The following FAT3 variants were observed in gnomAD, a reference collection of about 807,000 sequenced individuals.
FAT3 encodes protocadherin Fat 3.
FAT3 carries 95 observed loss-of-function variants against 310.2 expected under a neutral mutation model. That is an observed-to-expected ratio of 0.31 (90% CI 0.26 to 0.36). The LOEUF is 0.36. Among genes scored for constraint, FAT3 ranks in the 10% least tolerant of loss-of-function variants. FAT3 has a pLI of 1.00. For synonymous variants in FAT3, 2,314 were observed against 2,192.9 expected, an observed-to-expected ratio of 1.06 and a Z score of -1.54; for missense variants, 5,408 against 5,715.6, an observed-to-expected ratio of 0.95 and a Z score of 1.74.
At chr11:92,577,283 A>G (rs999996554) in intron 3 of FAT3, among the ~76,000 whole-genome samples, 3 of 151,520 alleles carry the variant, frequency 2.0e-5, no homozygotes, top group Non-Finnish European at 2.9e-5. Flanking sequence ...TAATTTTTGC[A>G]TTTTTAGTAG....
At chr11:92,568,024 T>A (rs950917904) in intron 3 of FAT3, among the ~76,000 whole-genome samples, 2 of 152,040 alleles carry the variant, frequency 1.3e-5, no homozygotes, top group African/African-American at 4.8e-5. Context: ...ACATGTACCC[T>A]AAAACTTAAA....
chr11:92,876,511 T>C (rs541712866), intron 22 of FAT3, among the ~76,000 whole-genome samples: 27 of 152,330 alleles, frequency 1.8e-4, no homozygotes, highest in African/African-American at 6.3e-4. Flanking sequence ...CAATGGCCTT[T>C]CCTTAGGAGC....
At chr11:92,705,441 G>GGTA in intron 4 of FAT3, among the ~76,000 whole-genome samples, 2 of 83,460 alleles carry the variant, frequency 2.4e-5, no homozygotes, top group Non-Finnish European at 6.3e-5. Context: ...TGGTGATGGT[G>GGTA]GTGGTGTGAT....
At chr11:92,720,814 CT>C (rs1944839235) in intron 4 of FAT3, among the ~76,000 whole-genome samples, 1 of 152,094 alleles carries the variant, frequency 6.6e-6, no homozygotes, top group Non-Finnish European at 1.5e-5. Context: ...TATACCTGTG[CT>C]TCAAATTCAA....
chr11:92,532,115 ATATAAC>A (rs1420865399), intron 3 of FAT3, among the ~76,000 whole-genome samples: 26 of 152,172 alleles, frequency 1.7e-4, no homozygotes, highest in African/African-American at 2.9e-4. Flanking sequence ...ATGTGATGGC[ATATAAC>A]TATAACTATT....
At chr11:92,757,251 A>G (rs1946027325) in intron 4 of FAT3, among the ~76,000 whole-genome samples, 1 of 152,120 alleles carries the variant, frequency 6.6e-6, no homozygotes, top group Non-Finnish European at 1.5e-5. Context: ...ATTAGGTGAT[A>G]GCTGTTATCA....
chr11:92,273,129 T>C (rs1946173332), intron 1 of FAT3, among the ~76,000 whole-genome samples: 1 of 152,130 alleles, frequency 6.6e-6, no homozygotes, highest in African/African-American at 2.4e-5. Flanking sequence ...CTAACAATAG[T>C]ATCTGTGAAA....
intron 1 of FAT3, among the ~76,000 whole-genome samples, chr11:92,307,020 C>G (rs1947159992): frequency 6.6e-6 from 1 of 151,186 alleles, no homozygotes; most frequent in Non-Finnish European, 1.5e-5. Context: ...TGATCTCCAA[C>G]TCTTGGGGTC....
At chr11:92,374,295 T>A (rs1303531667) in intron 2 of FAT3, among the ~76,000 whole-genome samples, 1 of 152,242 alleles carries the variant, frequency 6.6e-6, no homozygotes, top group Non-Finnish European at 1.5e-5. Context: ...GTGGGGATGT[T>A]GCACTTAAAA....
chr11:92,883,492 C>A lies in FAT3; in HGVS notation c.12937+99C>A. On this transcript the variant is annotated intron_variant, in intron 24 of 27. Coordinates refer to ENST00000525166, the MANE Select transcript of FAT3 (RefSeq NM_001367949.2). The surrounding 1 kb of genome is among the most constrained non-coding windows in gnomAD (Gnocchi z 4.2). ...CGGGAAGGGAGAGAGACCCCGCATGCAGAGCATTCGCTATGACATGTGCTG... is the reference window on the plus strand; with the variant it reads ...CGGGAAGGGAGAGAGACCCCGCATGAAGAGCATTCGCTATGACATGTGCTG... 1 of 1,416,758 alleles carries A rather than the reference C, an allele frequency of 7.1e-7. No homozygotes were observed. The highest frequency in any genetic ancestry group is 9.5e-7 in the Non-Finnish European group (1 of 1,056,974). 87.8% of individuals were successfully genotyped at this position (1,416,758 alleles called of 1,614,324 possible).
intron 3 of FAT3, among the ~76,000 whole-genome samples, chr11:92,552,735 A>C (rs185416311): frequency 3.5e-4 from 53 of 152,188 alleles, no homozygotes; most frequent in Non-Finnish European, 4.3e-4. Flanking sequence ...GCACTATCTA[A>C]CATGGTCCCT....
At chr11:92,410,907 A>G (rs2134917605) in intron 2 of FAT3, among the ~76,000 whole-genome samples, 1 of 151,822 alleles carries the variant, frequency 6.6e-6, no homozygotes, top group Middle Eastern at 3.4e-3. Context: ...TATGGGGTGG[A>G]AATTTTTATA....
intron 1 of FAT3, among the ~76,000 whole-genome samples, chr11:92,277,389 A>G (rs12286744): frequency 0.014 from 2,154 of 152,284 alleles, 19 homozygotes; most frequent in Non-Finnish European, 0.022. Context: ...AAACTGATCT[A>G]TCAAAAAGAA....
chr11:92,818,023 A>G lies in FAT3; in HGVS notation c.9481+7947A>G, dbSNP rs555441533. ...AGTTTCCTGTATCTTCTTGGGACAG[A>G]GTCTGAGGAAGTGTTGCTCAAACCA... On this transcript the variant is annotated intron_variant, in intron 13 of 27. Coordinates refer to ENST00000525166, the MANE Select transcript of FAT3 (RefSeq NM_001367949.2). Among the ~76,000 whole-genome samples, 6 of 152,272 alleles carry G rather than the reference A, an allele frequency of 3.9e-5. No individual in the cohort carries two copies. In the South Asian group the frequency reaches 1.2e-3, roughly 32 times the overall value.
chr11:92,454,785 G>A (rs138296937), intron 2 of FAT3, among the ~76,000 whole-genome samples: 49 of 152,152 alleles, frequency 3.2e-4, no homozygotes, highest in Middle Eastern at 3.4e-3. Flanking sequence ...TAGAGTAGAC[G>A]TGTGTGCATG....
chr11:92,687,358 C>T (rs1404518973), intron 3 of FAT3, among the ~76,000 whole-genome samples: 8 of 152,152 alleles, frequency 5.3e-5, no homozygotes, highest in Non-Finnish European at 1.2e-4. Flanking sequence ...CCCAAGTTTA[C>T]CGTTTTTGTT....
intron 1 of FAT3, among the ~76,000 whole-genome samples, chr11:92,302,166 G>T (rs1183259646): frequency 6.6e-6 from 1 of 152,050 alleles, no homozygotes; most frequent in Non-Finnish European, 1.5e-5. Context: ...TTTGATTGGA[G>T]ATTATTAGTG....
At chr11:92,242,480 A>G (rs61386004) in intron 1 of FAT3, among the ~76,000 whole-genome samples, 2,306 of 152,028 alleles carry the variant, frequency 0.015, 42 homozygotes, top group African/African-American at 0.049. Flanking sequence ...AGGATCTTTC[A>G]TCTCCTATGC....
In FAT3 at chr11:92,799,116, A is replaced by G. The variant is rs765146236; in HGVS notation, c.6103A>G (p.Ile2035Val). The G allele has an allele frequency of 2.4e-5, 38 of 1,613,856 alleles. No homozygotes were observed. The highest frequency in any genetic ancestry group is 5.5e-5 in the South Asian group (5 of 91,084). The change falls in exon 10 of 28, where the codon ATT becomes GTT. Residue 2035 changes from isoleucine (I) to valine (V), a missense_variant. Ile to Val is a conservative substitution (Grantham distance 29). Coordinates refer to ENST00000525166, the MANE Select transcript of FAT3 (RefSeq NM_001367949.2). ...KFKIKSTSGV[I>V]QTTGVPFDRE... Reference sequence around the variant, plus strand: ...CAAGATAAAATCTACCTCAGGGGTCATTCAGACGACTGGAGTCCCCTTTGA... The same window carrying G: ...CAAGATAAAATCTACCTCAGGGGTCGTTCAGACGACTGGAGTCCCCTTTGA...
Sources: gnomAD v4.1 joint callset for allele counts (sites outside exome capture counted in the v4.1 genomes callset) on GRCh38, gnomAD v4.1.1 for gene constraint, Gnocchi (gnomAD v3.1) non-coding constraint, MANE v1.5 for transcripts, NCBI Gene and HGNC (gene_info 2026-07-23, HGNC 2026-07-21) for gene names.